The following ADAM22 variants were observed in gnomAD, a reference collection of about 807,000 sequenced individuals.
ADAM22 encodes ADAM metallopeptidase domain 22.
ADAM22 carries 65 observed loss-of-function variants against 144.6 expected under a neutral mutation model. The observed-to-expected ratio is 0.45, with a 90% CI of 0.37 to 0.55. The LOEUF is 0.55. Ranked by LOEUF, ADAM22 falls within the 20% of genes least tolerant of loss-of-function variation. The pLI, the probability that ADAM22 is intolerant of heterozygous loss-of-function variation, is 0.00. For synonymous variants in ADAM22, 391 were observed against 412.6 expected (o/e 0.95, Z 0.63); for missense variants, 974 against 1,184.9 (o/e 0.82, Z 2.61).
rs375811748 is a variant in ADAM22 at position 88,145,118 on chromosome 7, C to T, written c.1321-7C>T. On this transcript the variant is annotated splice_region_variant and splice_polypyrimidine_tract_variant and intron_variant, in intron 15 of 31. Transcript: ENST00000413139. ...TATTTTAGTTCACTTTTTGGTTTTC[C>T]TCACAGCTTCTTGATCCTCCTGAGT... 1.1e-5 allele frequency: 18 copies of T among 1,610,492 alleles called. No individual in the cohort carries two copies. The highest frequency in any genetic ancestry group is 2.2e-5 in the East Asian group (1 of 44,816).
At chr7:88,034,452 T>C (rs1801027610) in intron 3 of ADAM22, among the ~76,000 whole-genome samples, 1 of 152,172 alleles carries the variant, frequency 6.6e-6, no homozygotes, top group African/African-American at 2.4e-5. Flanking sequence ...TGTCCTCTCT[T>C]GAAGCAGAAG....
At chr7:88,017,487 C>A (rs971275844) in intron 3 of ADAM22, among the ~76,000 whole-genome samples, 2 of 152,156 alleles carry the variant, frequency 1.3e-5, no homozygotes, top group African/African-American at 4.8e-5. Context: ...AATACTTACT[C>A]TCTCTGAATA....
chr7:88,088,510 G>GAAA (rs11404353), intron 4 of ADAM22, among the ~76,000 whole-genome samples: 19,418 of 146,176 alleles, frequency 0.13, 1,628 homozygotes, highest in African/African-American at 0.24. Context: ...TCAATGACAG[G>GAAA]AAAAAAAAAA....
intron 3 of ADAM22, among the ~76,000 whole-genome samples, chr7:88,062,790 A>G (rs962107783): frequency 4.6e-5 from 7 of 152,204 alleles, no homozygotes; most frequent in African/African-American, 7.2e-5. Context: ...TTAGAAGCCA[A>G]TGTAGGGTTA....
intron 3 of ADAM22, among the ~76,000 whole-genome samples, chr7:88,048,788 ATC>A (rs778011068): frequency 2.0e-5 from 3 of 152,142 alleles, no homozygotes; most frequent in Admixed American, 6.5e-5. Context: ...ATCAAATAAT[ATC>A]TGTTTCCAGA....
intron 3 of ADAM22, among the ~76,000 whole-genome samples, chr7:87,992,804 G>A (rs928794515): frequency 6.6e-6 from 1 of 152,090 alleles, no homozygotes; most frequent in African/African-American, 2.4e-5. Context: ...CTCTAGCCAT[G>A]CTGCTTTGTC....
intron 3 of ADAM22, among the ~76,000 whole-genome samples, chr7:88,050,317 C>T (rs1275925790): frequency 2.6e-5 from 4 of 150,962 alleles, no homozygotes; most frequent in African/African-American, 9.7e-5. Flanking sequence ...CACTTGAGCC[C>T]AGGAGTTTGA....
At chr7:88,023,849 C>T (rs530149466) in intron 3 of ADAM22, among the ~76,000 whole-genome samples, 2 of 152,134 alleles carry the variant, frequency 1.3e-5, no homozygotes, top group African/African-American at 4.8e-5. Context: ...CCTGTTACCC[C>T]TCCCAGCCTC....
intron 4 of ADAM22, among the ~76,000 whole-genome samples, chr7:88,084,980 C>G (rs1232518465): frequency 6.6e-6 from 1 of 152,208 alleles, no homozygotes; most frequent in African/African-American, 2.4e-5. Context: ...GCATCCTAAT[C>G]TCTTCTTGTG....
intron 20 of ADAM22, among the ~76,000 whole-genome samples, chr7:88,152,242 A>G (rs548233404): frequency 6.6e-6 from 1 of 152,354 alleles, no homozygotes; most frequent in African/African-American, 2.4e-5. Context: ...AAACATAACT[A>G]CCGACATAAC....
rs775819084 is a variant in ADAM22 at position 88,114,619 on chromosome 7, T to C, written c.509T>C (p.Ile170Thr). The C allele has an allele frequency of 1.9e-6, 3 of 1,613,832 alleles. No individual in the cohort carries two copies. In the East Asian group the frequency reaches 6.7e-5, roughly 36 times the overall value. Reference protein sequence around the residue: ...MFYDGNHTYLIEPEENDTTQE... With the variant: ...MFYDGNHTYLTEPEENDTTQE... ...TATGACGGGAACCACACATATCTCA[T>C]TGAGCCAGAAGAAAATGACACTACT... Residue 170 changes from isoleucine (I) to threonine (T), a missense_variant, in exon 6 of 32, where the codon ATT becomes ACT. Ile to Thr is a moderately conservative substitution (Grantham distance 89). Around this residue, in one of 2 missense-constraint regions of ADAM22, gnomAD observed 240 missense variants for 234.3 expected, o/e 1.02. Transcript: ENST00000413139.
intron 4 of ADAM22, among the ~76,000 whole-genome samples, chr7:88,102,791 T>A (rs1823289043): frequency 6.6e-6 from 1 of 152,206 alleles, no homozygotes; most frequent in Non-Finnish European, 1.5e-5. Context: ...ATTGCCTGAC[T>A]ACACCTCCCT....
In ADAM22 at chr7:88,200,635, G is replaced by T. The variant is rs920953517; in HGVS notation, c.*4144G>T. The T allele has an allele frequency of 1.3e-5, 2 of 152,082 alleles. No individual in the cohort carries two copies. The highest frequency in any genetic ancestry group is 2.4e-5 in the African/African-American group (1 of 41,402). The allele number at this position is 152,082 out of a possible 1,614,324, so 9.4% of individuals were successfully genotyped here. A position where few individuals can be genotyped will look rare whatever the true frequency, so the allele number is the denominator to read the frequency against. On this transcript the variant is annotated 3_prime_UTR_variant, in exon 32 of 32. Transcript: ENST00000413139. ...CACTTTTATGTTTTTTTCTAAAACTGCCACCTAAATACCTTTCCACTCCGT... is the reference window on the plus strand; with the variant it reads ...CACTTTTATGTTTTTTTCTAAAACTTCCACCTAAATACCTTTCCACTCCGT...
At chr7:88,187,027 G>C (rs1271562629) in intron 30 of ADAM22, among the ~76,000 whole-genome samples, 1 of 152,160 alleles carries the variant, frequency 6.6e-6, no homozygotes, top group Non-Finnish European at 1.5e-5. Flanking sequence ...TAATAAAGAA[G>C]CACTATTAAC....
At chr7:88,143,900 G>T (rs1369878791) in intron 15 of ADAM22, among the ~76,000 whole-genome samples, 1 of 152,190 alleles carries the variant, frequency 6.6e-6, no homozygotes, top group African/African-American at 2.4e-5. Context: ...CTCTTCGAAA[G>T]ATTGGAAAGA....
At chr7:88,096,798 T>C (rs1821455294) in intron 4 of ADAM22, among the ~76,000 whole-genome samples, 1 of 152,142 alleles carries the variant, frequency 6.6e-6, no homozygotes, top group Non-Finnish European at 1.5e-5. Flanking sequence ...ACTCCCTTCT[T>C]GATTTATGGA....
intron 3 of ADAM22, among the ~76,000 whole-genome samples, chr7:88,048,254 T>G (rs573989007): frequency 2.0e-5 from 3 of 152,192 alleles, no homozygotes; most frequent in Non-Finnish European, 2.9e-5. Context: ...GTAATTTATT[T>G]AACAATTAAC....
chr7:88,121,167 C>T (rs1829198858), intron 7 of ADAM22, among the ~76,000 whole-genome samples: 2 of 152,094 alleles, frequency 1.3e-5, no homozygotes, highest in Non-Finnish European at 2.9e-5. Context: ...GTTTTGAAAT[C>T]AAATAACGTA....
intron 3 of ADAM22, among the ~76,000 whole-genome samples, chr7:88,034,531 C>G (rs1001905961): frequency 6.6e-6 from 1 of 152,118 alleles, no homozygotes; most frequent in Non-Finnish European, 1.5e-5. Context: ...CAGGCACTCC[C>G]TTAGATACCT....
Sources: gnomAD v4.1 joint callset for allele counts (sites outside exome capture counted in the v4.1 genomes callset) on GRCh38, gnomAD v4.1.1 for gene constraint, gnomAD v4.1.1 regional missense constraint, MANE v1.5 for transcripts, NCBI Gene and HGNC (gene_info 2026-07-23, HGNC 2026-07-21) for gene names.